Variants in SIK2 observed in about 807,000 individuals in gnomAD.
SIK2 encodes serine/threonine-protein kinase SIK2.
Under a neutral mutation model 103.2 loss-of-function variants are expected in SIK2, and 29 were observed. That is an observed-to-expected ratio of 0.28 (90% CI 0.21 to 0.38). SIK2 has a LOEUF of 0.38. SIK2 is among the 10% of genes least tolerant of loss of function. The pLI is 1.00. For missense variants in SIK2, 879 were observed against 1,171.0 expected, an observed-to-expected ratio of 0.75 and a Z score of 3.64; for synonymous variants, 412 against 446.1, an observed-to-expected ratio of 0.92 and a Z score of 0.96.
At chr11:111,716,763 G>A (rs1031613171) in intron 9 of SIK2, among the ~76,000 whole-genome samples, 4 of 152,072 alleles carry the variant, frequency 2.6e-5, no homozygotes, top group Non-Finnish European at 5.9e-5. Flanking sequence ...AAATTCAGGG[G>A]TACTGCCGGG....
intron 3 of SIK2, among the ~76,000 whole-genome samples, chr11:111,682,013 G>C (rs889012894): frequency 1.3e-5 from 2 of 152,152 alleles, no homozygotes; most frequent in Non-Finnish European, 2.9e-5. Context: ...CCCTCTGAGG[G>C]TTCTGACAAT....
chr11:111,694,753 A>T (rs1477947574), intron 4 of SIK2, among the ~76,000 whole-genome samples: 1 of 152,232 alleles, frequency 6.6e-6, no homozygotes, highest in Admixed American at 6.5e-5. Context: ...AGCATTCCAC[A>T]GTAAGCTGGG....
At chr11:111,665,262 A>G (rs955222316) in intron 3 of SIK2, among the ~76,000 whole-genome samples, 6 of 151,898 alleles carry the variant, frequency 4.0e-5, no homozygotes, top group African/African-American at 1.2e-4. Context: ...CCTGGGCAAC[A>G]TGGCGAAACC....
rs1418102248 is a variant in SIK2 at position 111,688,890 on chromosome 11, T to C, written c.478+728T>C. On this transcript the variant is annotated intron_variant, in intron 4 of 14. Transcript: ENST00000304987. The surrounding 1 kb of genome is among the most constrained non-coding windows in gnomAD (Gnocchi z 4.2). Reference sequence around the variant, plus strand: ...CTTGAATATACACAATTTTTGTCAATTACATTTTAATAAAACTGAAAAAAT... The same window carrying C: ...CTTGAATATACACAATTTTTGTCAACTACATTTTAATAAAACTGAAAAAAT... 2.0e-5 allele frequency among the ~76,000 whole-genome samples: 3 copies of C among 152,218 alleles called. No individual in the cohort carries two copies. Among genetic ancestry groups the C allele is most frequent in the African/African-American group, 7.2e-5 (3 of 41,456 alleles).
At chr11:111,613,787 A>G (rs998919043) in intron 1 of SIK2, among the ~76,000 whole-genome samples, 1 of 152,188 alleles carries the variant, frequency 6.6e-6, no homozygotes, top group African/African-American at 2.4e-5. Flanking sequence ...AGAAGCTTTT[A>G]TTCTTAGGCG....
intron 3 of SIK2, among the ~76,000 whole-genome samples, chr11:111,640,424 G>C (rs957127118): frequency 6.6e-6 from 1 of 152,062 alleles, no homozygotes; most frequent in African/African-American, 2.4e-5. Context: ...AATATTGGGG[G>C]TTCTTAAAAT....
At chr11:111,676,812 C>G (rs1279032860) in intron 3 of SIK2, among the ~76,000 whole-genome samples, 1 of 152,170 alleles carries the variant, frequency 6.6e-6, no homozygotes, top group Non-Finnish European at 1.5e-5. Context: ...AAATCATAGT[C>G]TGTTCTTTAG....
At chr11:111,664,126 T>C (rs1355529439) in intron 3 of SIK2, among the ~76,000 whole-genome samples, 5 of 152,230 alleles carry the variant, frequency 3.3e-5, no homozygotes, top group Non-Finnish European at 5.9e-5. Flanking sequence ...AAATCAAAAT[T>C]TCTCCTCTTT....
chr11:111,726,809 G>T lies in SIK2; in HGVS notation c.*2680G>T. On this transcript the variant is annotated 3_prime_UTR_variant, in exon 15 of 15. Transcript: ENST00000304987. ...CCAGTCTGATTCACGTTAGCAGTGT[G>T]TACACTACTGTATCATCATCAGCTT... is the stretch of plus-strand genomic sequence containing the variant. 1 of 672,006 alleles carries T rather than the reference G, an allele frequency of 1.5e-6. No individual in the cohort carries two copies. The highest frequency in any genetic ancestry group is 2.6e-6 in the Non-Finnish European group (1 of 378,232). The allele number at this position is 672,006 out of a possible 1,614,324, so 41.6% of individuals were successfully genotyped here.
intron 3 of SIK2, among the ~76,000 whole-genome samples, chr11:111,655,101 CA>C (rs1162125451): frequency 1.3e-5 from 2 of 151,972 alleles, no homozygotes; most frequent in African/African-American, 2.4e-5. Flanking sequence ...TAAAATTTTT[CA>C]AAAAAATGTT....
intron 7 of SIK2, among the ~76,000 whole-genome samples, chr11:111,704,216 C>T (rs1189126076): frequency 6.6e-6 from 1 of 152,142 alleles, no homozygotes; most frequent in African/African-American, 2.4e-5. Flanking sequence ...TGAAGTGCAT[C>T]CTGAGCAGTA....
intron 3 of SIK2, among the ~76,000 whole-genome samples, chr11:111,633,259 CTG>C (rs1159230581): frequency 6.6e-6 from 1 of 152,156 alleles, no homozygotes; most frequent in Non-Finnish European, 1.5e-5. Flanking sequence ...TAGGAGAACA[CTG>C]TAGTTCTCTT....
intron 3 of SIK2, among the ~76,000 whole-genome samples, chr11:111,653,307 C>T (rs954433417): frequency 3.3e-5 from 5 of 152,162 alleles, no homozygotes; most frequent in South Asian, 2.1e-4. Flanking sequence ...ACTTCAGACT[C>T]GAATTTGATT....
At chr11:111,672,177 GT>G (rs1411739354) in intron 3 of SIK2, 4 of 426,600 alleles carry the variant, frequency 9.4e-6, no homozygotes, top group Non-Finnish European at 1.8e-5. Context: ...GCAGGCTCTG[GT>G]TTACCATAAT....
At chr11:111,670,282 G>A (rs1942607723) in intron 3 of SIK2, among the ~76,000 whole-genome samples, 1 of 152,192 alleles carries the variant, frequency 6.6e-6, no homozygotes. Flanking sequence ...CATGGCACAA[G>A]CTGCAACCTA....
chr11:111,713,248 C>G (rs1260935105), intron 9 of SIK2, among the ~76,000 whole-genome samples: 1 of 152,178 alleles, frequency 6.6e-6, no homozygotes, highest in African/African-American at 2.4e-5. Context: ...CAGCTTCTCT[C>G]ATTCATAGAT....
Position 111,701,026 on chromosome 11 carries a change from G to T in SIK2, c.603+16G>T, listed in dbSNP as rs564002889. 1.9e-5 allele frequency: 30 copies of T among 1,611,884 alleles called. No homozygotes were observed. Among genetic ancestry groups the T allele is most frequent in the Admixed American group, 1.0e-4 (6 of 59,866 alleles). ...GGACATCTGGGTACTGCTTTGCTTT[G>T]CTGTGTTGTTAAATGCATCTATACT... On this transcript the variant is annotated intron_variant, in intron 5 of 14. Coordinates refer to ENST00000304987, the MANE Select transcript of SIK2 (RefSeq NM_015191.3). The surrounding 1 kb of genome is among the most constrained non-coding windows in gnomAD (Gnocchi z 4.2).
rs1285998292 is a variant in SIK2, at chr11:111,721,945, G to T, written c.2055+5G>T. 1 of 1,577,090 alleles carries T rather than the reference G, an allele frequency of 6.3e-7. No individual in the cohort carries two copies. On this transcript the variant is annotated splice_donor_5th_base_variant and intron_variant, in intron 13 of 14. Transcript: ENST00000304987. ...TACCTGCAGCACAGACTCCAGGTGGGTCCTTCTCCTTGCGAGTCCACCTCA... is the reference window on the plus strand; with the variant it reads ...TACCTGCAGCACAGACTCCAGGTGGTTCCTTCTCCTTGCGAGTCCACCTCA...
Position 111,725,610 on chromosome 11 carries a change from T to G in SIK2, c.*1481T>G, listed in dbSNP as rs750305256. 2.0e-5 allele frequency: 3 copies of G among 152,690 alleles called. No individual in the cohort carries two copies. The highest frequency in any genetic ancestry group is 2.9e-5 in the Non-Finnish European group (2 of 68,052). The allele number at this position is 152,690 out of a possible 1,614,324, so 9.5% of individuals were successfully genotyped here. On this transcript the variant is annotated 3_prime_UTR_variant, in exon 15 of 15. Coordinates refer to ENST00000304987, the MANE Select transcript of SIK2 (RefSeq NM_015191.3). Reference sequence around the variant, plus strand: ...ATGGCTTGTCCCATCAGCAGATGAATGTGTTAAGCACAAAGCATCTTCCTT... The same window carrying G: ...ATGGCTTGTCCCATCAGCAGATGAAGGTGTTAAGCACAAAGCATCTTCCTT...
Sources: allele counts gnomAD v4.1 joint callset (sites outside exome capture counted in the v4.1 genomes callset), GRCh38; gene constraint gnomAD v4.1.1; non-coding constraint Gnocchi (gnomAD v3.1); transcripts MANE v1.5; gene names NCBI Gene and HGNC (gene_info 2026-07-23, HGNC 2026-07-21).